The following CHLSN variants were observed in gnomAD, a reference collection of about 807,000 sequenced individuals.
CHLSN encodes protein cholesin.
chr7:1,023,310 C>T, the CHLSN span, among the ~76,000 whole-genome samples: 8 of 152,296 alleles, frequency 5.3e-5, no homozygotes, highest in African/African-American at 1.4e-4. The surrounding 1 kb of genome is among the most constrained non-coding windows in gnomAD (Gnocchi z 5.0). Flanking sequence ...CACCCGCCAC[C>T]GCGGGGTCTG....
the CHLSN span, chr7:1,058,729 C>G: frequency 6.8e-6 from 4 of 586,796 alleles, no homozygotes; most frequent in South Asian, 8.8e-5. Flanking sequence ...CTCCCCGAGG[C>G]CTGTGCGTCT....
At chr7:1,052,638 G>A in the CHLSN span, among the ~76,000 whole-genome samples, 1 of 152,140 alleles carries the variant, frequency 6.6e-6, no homozygotes, top group Admixed American at 6.5e-5. This position sits in a 1 kb window ranked among gnomAD's most constrained non-coding sequence, Gnocchi z 4.2. Flanking sequence ...TCAGTGCAAG[G>A]GTGGGGCTGG....
chr7:1,081,628 C>T, the CHLSN span, among the ~76,000 whole-genome samples: 1 of 152,214 alleles, frequency 6.6e-6, no homozygotes, highest in Non-Finnish European at 1.5e-5. Context: ...GACCTCATGC[C>T]ATACACAGCA....
the CHLSN span, chr7:997,433 T>G: frequency 3.8e-6 from 2 of 530,872 alleles, no homozygotes; most frequent in Non-Finnish European, 6.5e-6. Context: ...CCAAGGAGGG[T>G]CTGGAGGAGG....
chr7:1,014,506 C>T, the CHLSN span, among the ~76,000 whole-genome samples: 1 of 152,282 alleles, frequency 6.6e-6, no homozygotes, highest in African/African-American at 2.4e-5. Flanking sequence ...CCACAACACA[C>T]TGGCTCTTCC....
At chr7:1,046,676 A>G in the CHLSN span, among the ~76,000 whole-genome samples, 2 of 152,142 alleles carry the variant, frequency 1.3e-5, no homozygotes, top group East Asian at 1.9e-4. Flanking sequence ...CTCCGTGTGC[A>G]AACAAAATAC....
chr7:1,023,066 A>T, the CHLSN span: 1 of 437,860 alleles, frequency 2.3e-6, no homozygotes, highest in South Asian at 1.6e-5. The surrounding 1 kb of genome is among the most constrained non-coding windows in gnomAD (Gnocchi z 5.0). Flanking sequence ...ACCCCTGCAG[A>T]GCATGGGACG....
the CHLSN span, chr7:1,010,142 C>T: frequency 1.2e-6 from 2 of 1,608,140 alleles, no homozygotes; most frequent in Non-Finnish European, 1.7e-6. Context: ...CACAGCTTCG[C>T]CCTGAAAGTC....
At chr7:1,110,950 G>A in the CHLSN span, among the ~76,000 whole-genome samples, 4 of 152,090 alleles carry the variant, frequency 2.6e-5, no homozygotes, top group African/African-American at 7.2e-5. Flanking sequence ...GGTGGCACAC[G>A]CCTGTAGTCC....
At chr7:1,099,497 T>C in the CHLSN span, among the ~76,000 whole-genome samples, 1 of 152,272 alleles carries the variant, frequency 6.6e-6, no homozygotes, top group Non-Finnish European at 1.5e-5. Flanking sequence ...TAATTAAAGC[T>C]TTCTCTTCTC....
the CHLSN span, among the ~76,000 whole-genome samples, chr7:1,095,894 GTCA>G: frequency 1.3e-5 from 2 of 152,214 alleles, no homozygotes; most frequent in Admixed American, 1.3e-4. Context: ...GTCACCCAAG[GTCA>G]CCAGCCCAAC....
chr7:1,107,107 G>A, the CHLSN span, among the ~76,000 whole-genome samples: 4 of 152,200 alleles, frequency 2.6e-5, no homozygotes, highest in Non-Finnish European at 4.4e-5. Flanking sequence ...GCTCTGTACT[G>A]CAGGACCATG....
chr7:1,094,768 G>C, the CHLSN span, among the ~76,000 whole-genome samples: 2 of 152,206 alleles, frequency 1.3e-5, no homozygotes, highest in Non-Finnish European at 2.9e-5. Context: ...ACATGAAGCT[G>C]TGTGTCGGTG....
the CHLSN span, among the ~76,000 whole-genome samples, chr7:1,017,710 G>A: frequency 3.9e-5 from 6 of 152,230 alleles, no homozygotes; most frequent in East Asian, 1.9e-4. Context: ...ACTGACTGCC[G>A]CGGGCAGCCG....
At chr7:1,095,769 G>A in the CHLSN span, among the ~76,000 whole-genome samples, 2 of 152,192 alleles carry the variant, frequency 1.3e-5, no homozygotes, top group South Asian at 2.1e-4. Context: ...ATTCAGCCAC[G>A]CTCTCCTGGC....
chr7:996,509 G>A, the CHLSN span, among the ~76,000 whole-genome samples: 2 of 152,216 alleles, frequency 1.3e-5, no homozygotes, highest in African/African-American at 4.8e-5. Context: ...GGCGGCCCCG[G>A]GGCAGCAGCA....
the CHLSN span, chr7:987,300 G>A: frequency 6.6e-6 from 10 of 1,521,652 alleles, no homozygotes; most frequent in Non-Finnish European, 8.8e-6. Flanking sequence ...GGACCCCCAG[G>A]GACGAGGGAT....
the CHLSN span, among the ~76,000 whole-genome samples, chr7:1,015,577 C>G: frequency 2.0e-5 from 3 of 152,208 alleles, no homozygotes; most frequent in East Asian, 5.8e-4. Flanking sequence ...GAAAGGAGGG[C>G]AGAGTGGGGA....
the CHLSN span, chr7:1,010,130 A>G: frequency 1.9e-6 from 3 of 1,610,936 alleles, no homozygotes; most frequent in African/African-American, 1.3e-5. Flanking sequence ...CCCGGGCCTG[A>G]GCACAGCTTC....
Sources: gnomAD v4.1 joint callset for allele counts (sites outside exome capture counted in the v4.1 genomes callset) on GRCh38, gnomAD v4.1.1 for gene constraint, Gnocchi (gnomAD v3.1) non-coding constraint, MANE v1.5 for transcripts, NCBI Gene and HGNC (gene_info 2026-07-23, HGNC 2026-07-21) for gene names.